CREB5: variants seen among roughly 807,000 people sequenced by gnomAD.
CREB5 encodes the protein cAMP responsive element binding protein 5.
A neutral mutation model predicts 57.1 loss-of-function variants in CREB5; 19 were observed. The ratio of observed to expected loss-of-function variants is 0.33; its 90% CI spans 0.23 to 0.49. The LOEUF is 0.49. Ranked by LOEUF, CREB5 falls within the 20% of genes least tolerant of loss-of-function variation. The pLI is 0.99. For missense variants in CREB5, 579 were observed against 671.6 expected, an observed-to-expected ratio of 0.86 and a Z score of 1.52; for synonymous variants, 238 against 238.3, an observed-to-expected ratio of 1.00 and a Z score of 0.01.
At chr7:28,421,761 C>T (rs1354543572) in intron 1 of CREB5, among the ~76,000 whole-genome samples, 9 of 25,692 alleles carry the variant, frequency 3.5e-4, no homozygotes, top group South Asian at 2.7e-3. Context: ...TATATACATA[C>T]ACACACACTA....
intron 5 of CREB5, among the ~76,000 whole-genome samples, chr7:28,607,731 A>G (rs1797196194): frequency 6.9e-6 from 1 of 145,748 alleles, no homozygotes; most frequent in Non-Finnish European, 1.5e-5. Context: ...CAGTGCCCAC[A>G]GGGCTGTGTG....
In CREB5 at chr7:28,511,076, C is replaced by T. The variant is rs150726057; in HGVS notation, c.291+3339C>T. ...ATAAAAAACAAACAAAAATACCTGC[C>T]TTCAGGTAGTTTACCTCTAGGGGGC... On this transcript the variant is annotated intron_variant, in intron 4 of 10. Coordinates refer to ENST00000357727, the MANE Select transcript of CREB5 (RefSeq NM_182898.4). Among the ~76,000 whole-genome samples, 276 of 152,036 alleles carry T rather than the reference C, an allele frequency of 1.8e-3. 2 individuals carry two copies. The highest frequency in any genetic ancestry group is 6.2e-3 in the African/African-American group (255 of 41,450).
upstream of CREB5, among the ~76,000 whole-genome samples, chr7:28,407,625 A>C (rs976052392): frequency 6.6e-6 from 1 of 152,206 alleles, no homozygotes; most frequent in African/African-American, 2.4e-5. Context: ...TTTTGCATGA[A>C]ATTGCAATGA....
intron 1 of CREB5, among the ~76,000 whole-genome samples, chr7:28,378,622 C>G (rs1037250983): frequency 6.6e-6 from 1 of 152,158 alleles, no homozygotes; most frequent in East Asian, 1.9e-4. Context: ...TCTGTCCTGG[C>G]TTTGTCACAC....
At chr7:28,411,177 G>A (rs1787781521), upstream of CREB5, among the ~76,000 whole-genome samples, 1 of 152,200 alleles carries the variant, frequency 6.6e-6, no homozygotes, top group Non-Finnish European at 1.5e-5. Context: ...ATGTTTGCAA[G>A]CGTTATGATA....
chr7:28,673,082 C>T (rs1365716929), intron 5 of CREB5, among the ~76,000 whole-genome samples: 1 of 152,160 alleles, frequency 6.6e-6, no homozygotes, highest in Non-Finnish European at 1.5e-5. Flanking sequence ...GACCCAGTGC[C>T]ACTACTGTTG....
At chr7:28,310,003 G>C (rs1245034528) in intron 1 of CREB5, among the ~76,000 whole-genome samples, 1 of 152,194 alleles carries the variant, frequency 6.6e-6, no homozygotes, top group African/African-American at 2.4e-5. Context: ...TACTGGAGGA[G>C]GGATGAAAGG....
In CREB5 at chr7:28,798,548, A is replaced by G. The variant is rs1001028059; in HGVS notation, c.703-5651A>G. On this transcript the variant is annotated intron_variant, in intron 7 of 10. Transcript: ENST00000357727. ...GCTGGGCCATGACAGCAGCGGCCAC[A>G]CTCGGATGGGAGGAGGCGAATAGTT... Among the ~76,000 whole-genome samples the G allele has an allele frequency of 3.9e-5, 6 of 152,304 alleles. No homozygotes were observed. In the East Asian group the frequency reaches 1.2e-3, roughly 29 times the overall value.
intron 1 of CREB5, among the ~76,000 whole-genome samples, chr7:28,453,454 A>G (rs1184650039): frequency 6.6e-6 from 1 of 152,186 alleles, no homozygotes; most frequent in Non-Finnish European, 1.5e-5. Context: ...AACAACAACA[A>G]CAAAACCCAC....
chr7:28,690,950 A>G (rs947082170), intron 5 of CREB5, among the ~76,000 whole-genome samples: 35 of 152,230 alleles, frequency 2.3e-4, no homozygotes, highest in Non-Finnish European at 2.1e-4. Flanking sequence ...AGGTGAGGAT[A>G]CTAGCGATTA....
intron 4 of CREB5, among the ~76,000 whole-genome samples, chr7:28,528,994 A>C (rs1441797138): frequency 6.6e-6 from 1 of 152,202 alleles, no homozygotes; most frequent in Non-Finnish European, 1.5e-5. Flanking sequence ...ATGATTCCTC[A>C]TAACCAAGGA....
At chr7:28,390,849 A>T (rs949559440) in intron 1 of CREB5, among the ~76,000 whole-genome samples, 6 of 152,134 alleles carry the variant, frequency 3.9e-5, no homozygotes, top group African/African-American at 7.2e-5. Context: ...TTCCCTGGCA[A>T]TTGACAACAG....
intron 1 of CREB5, among the ~76,000 whole-genome samples, chr7:28,447,985 A>G (rs551643919): frequency 2.0e-5 from 3 of 152,348 alleles, no homozygotes; most frequent in African/African-American, 7.2e-5. Context: ...GATACAAAGT[A>G]TTGATCCTGG....
chr7:28,533,227 C>T (rs1425337135), intron 4 of CREB5, among the ~76,000 whole-genome samples: 1 of 152,086 alleles, frequency 6.6e-6, no homozygotes, highest in Non-Finnish European at 1.5e-5. Flanking sequence ...AAGAAAGAGC[C>T]AGCCTTTAAG....
intron 4 of CREB5, among the ~76,000 whole-genome samples, chr7:28,525,438 C>T (rs1257156759): frequency 6.6e-6 from 1 of 152,024 alleles, no homozygotes; most frequent in East Asian, 1.9e-4. Context: ...GCTTACATTC[C>T]CACCAACAGT....
intron 7 of CREB5, among the ~76,000 whole-genome samples, chr7:28,731,766 G>C (rs546091819): frequency 6.6e-6 from 1 of 152,192 alleles, no homozygotes; most frequent in African/African-American, 2.4e-5. Context: ...GTACACAGGG[G>C]TGAAAGAGGC....
At chr7:28,723,346 C>T (rs2237349) in intron 6 of CREB5, among the ~76,000 whole-genome samples, 91,468 of 152,060 alleles carry the variant, frequency 0.6, 27,938 homozygotes, top group Admixed American at 0.69. Context: ...GACATTTTGC[C>T]GTATTCGCTT....
chr7:28,419,457 T>C (rs1178904688), intron 1 of CREB5, among the ~76,000 whole-genome samples: 4 of 149,264 alleles, frequency 2.7e-5, no homozygotes, highest in Non-Finnish European at 6.1e-5. Context: ...GTGTCTTTGA[T>C]GGGTGAGCTG....
At chr7:28,346,564 T>C (rs1198865918) in intron 1 of CREB5, among the ~76,000 whole-genome samples, 2 of 152,244 alleles carry the variant, frequency 1.3e-5, no homozygotes, top group East Asian at 3.8e-4. Context: ...ACAAAGGCCT[T>C]AGCCAACTCC....
Sources: allele counts gnomAD v4.1 joint callset (sites outside exome capture counted in the v4.1 genomes callset), GRCh38; gene constraint gnomAD v4.1.1; transcripts MANE v1.5; gene names NCBI Gene and HGNC (gene_info 2026-07-23, HGNC 2026-07-21).